LHFPL6: variants seen among roughly 807,000 people sequenced by gnomAD.
LHFPL6 encodes LHFPL tetraspan subfamily member 6 protein.
Under a neutral mutation model 20.6 loss-of-function variants are expected in LHFPL6, and 9 were observed. That is an observed-to-expected ratio of 0.44 (90% CI 0.26 to 0.76). The LOEUF is 0.76. Among genes scored for constraint, LHFPL6 ranks in the 30% least tolerant of loss-of-function variants. The probability of loss-of-function intolerance (pLI) is 0.20; values close to 1 mark genes in which losing one functional copy is unlikely to be tolerated. For missense variants in LHFPL6, 218 were observed against 253.5 expected (o/e 0.86, Z 0.95); for synonymous variants, 105 against 98.7 (o/e 1.06, Z -0.38).
At chr13:39,512,938 T>C (rs749031131) in intron 2 of LHFPL6, among the ~76,000 whole-genome samples, 1 of 152,236 alleles carries the variant, frequency 6.6e-6, no homozygotes, top group Non-Finnish European at 1.5e-5. Context: ...ACTGTCTGCC[T>C]TTCATTCCTC....
chr13:39,572,797 A>G (rs1340960250), intron 2 of LHFPL6, among the ~76,000 whole-genome samples: 1 of 152,184 alleles, frequency 6.6e-6, no homozygotes, highest in Non-Finnish European at 1.5e-5. Flanking sequence ...CTGGTAGAAA[A>G]AGCCATCTTT....
intron 2 of LHFPL6, among the ~76,000 whole-genome samples, chr13:39,497,477 A>C (rs1869140203): frequency 6.6e-6 from 1 of 152,254 alleles, no homozygotes; most frequent in Admixed American, 6.5e-5. Flanking sequence ...CCTCATGCTA[A>C]GAGGCACTTG....
At chr13:39,405,511 C>T (rs1871095431) in intron 2 of LHFPL6, among the ~76,000 whole-genome samples, 1 of 152,220 alleles carries the variant, frequency 6.6e-6, no homozygotes, top group Admixed American at 6.5e-5. Context: ...TATTTACCCT[C>T]TTCCCATTTT....
At chr13:39,527,696 T>A (rs578209112) in intron 2 of LHFPL6, among the ~76,000 whole-genome samples, 2 of 152,252 alleles carry the variant, frequency 1.3e-5, no homozygotes, top group East Asian at 3.9e-4. Context: ...TATATACTCA[T>A]CATTTTTTTG....
intron 2 of LHFPL6, among the ~76,000 whole-genome samples, chr13:39,424,723 G>A (rs1430965834): frequency 6.6e-6 from 1 of 152,074 alleles, no homozygotes; most frequent in African/African-American, 2.4e-5. Context: ...CAGAGATCTG[G>A]AATCTCTGTG....
At chr13:39,489,854 C>T (rs559106981) in intron 2 of LHFPL6, among the ~76,000 whole-genome samples, 10 of 152,282 alleles carry the variant, frequency 6.6e-5, no homozygotes, top group Admixed American at 2.0e-4. Context: ...CATGCCTGGC[C>T]TGGCTTTTTG....
At chr13:39,352,349 C>A (rs375757906) in intron 3 of LHFPL6, among the ~76,000 whole-genome samples, 1 of 152,208 alleles carries the variant, frequency 6.6e-6, no homozygotes, top group African/African-American at 2.4e-5. Context: ...TGCCTATGAA[C>A]CCTCAGAAGT....
At chr13:39,386,627 T>C (rs564705006) in intron 2 of LHFPL6, among the ~76,000 whole-genome samples, 42 of 152,332 alleles carry the variant, frequency 2.8e-4, no homozygotes, top group Non-Finnish European at 4.6e-4. Context: ...ATGTTGTATT[T>C]GACCATCATC....
intron 2 of LHFPL6, among the ~76,000 whole-genome samples, chr13:39,542,411 T>C (rs1258873419): frequency 6.6e-6 from 1 of 152,156 alleles, no homozygotes; most frequent in Admixed American, 6.5e-5. Flanking sequence ...AGCTTCACCA[T>C]TTAGTAATAA....
At position 39,510,341 on chromosome 13, in the gene LHFPL6, C is replaced by A. The variant is rs530139840; in HGVS notation, c.385+90491G>T. ...TGTCCTTAATTATAAAACCTGTTTT[C>A]ACCTGACACTTTTCCAGCAGTGTAA... On this transcript the variant is annotated intron_variant, in intron 2 of 3. Transcript: ENST00000379589. 2.8e-3 allele frequency among the ~76,000 whole-genome samples: 426 copies of A among 152,336 alleles called. 3 individuals carry two copies. The highest frequency in any genetic ancestry group is 9.4e-3 in the African/African-American group (391 of 41,578).
At chr13:39,458,746 G>A (rs1294063910) in intron 2 of LHFPL6, among the ~76,000 whole-genome samples, 1 of 151,218 alleles carries the variant, frequency 6.6e-6, no homozygotes, top group Admixed American at 6.6e-5. Flanking sequence ...GGTACAATGG[G>A]TGGACAGAGA....
At position 39,475,883 on chromosome 13, in the gene LHFPL6, T is replaced by C. The variant is rs77108506; in HGVS notation, c.386-97357A>G. On this transcript the variant is annotated intron_variant, in intron 2 of 3. Coordinates refer to ENST00000379589, the MANE Select transcript of LHFPL6 (RefSeq NM_005780.3). ...AGGCAATGATGTGTAGCACTGTAGCTGGCAGTGAAGGGCGGAGTGTCTCCC... is the reference window on the plus strand; with the variant it reads ...AGGCAATGATGTGTAGCACTGTAGCCGGCAGTGAAGGGCGGAGTGTCTCCC... Among the ~76,000 whole-genome samples, 717 of 152,232 alleles carry C rather than the reference T, an allele frequency of 4.7e-3. 27 individuals are homozygous for C. The East Asian group carries it at 0.097, about 21-fold the overall frequency.
At chr13:39,463,057 A>G (rs1872723986) in intron 2 of LHFPL6, among the ~76,000 whole-genome samples, 2 of 152,132 alleles carry the variant, frequency 1.3e-5, no homozygotes, top group Admixed American at 6.5e-5. Context: ...GTCTTCCTCT[A>G]CCTCACCCAT....
At chr13:39,409,181 C>T (rs139164557) in intron 2 of LHFPL6, among the ~76,000 whole-genome samples, 15 of 152,214 alleles carry the variant, frequency 9.9e-5, no homozygotes, top group Middle Eastern at 3.4e-3. Context: ...CTGCCAGACG[C>T]GGTGGCTCAC....
chr13:39,355,901 C>T (rs1869712937), intron 3 of LHFPL6, among the ~76,000 whole-genome samples: 1 of 152,154 alleles, frequency 6.6e-6, no homozygotes, highest in African/African-American at 2.4e-5. Context: ...CACTTCTAAA[C>T]CCATGAAAAG....
intron 2 of LHFPL6, among the ~76,000 whole-genome samples, chr13:39,581,532 CA>C (rs71080316): frequency 0.02 from 2,121 of 106,378 alleles, 48 homozygotes; most frequent in African/African-American, 0.07. Flanking sequence ...ATGCATGAGA[CA>C]AAAAAAAAAA....
chr13:39,602,764 C>G (rs1026365721), intron 1 of LHFPL6, 119 bp downstream of exon 1: 1 of 152,350 alleles, frequency 6.6e-6, no homozygotes, highest in Non-Finnish European at 1.5e-5. Context: ...CCGACGGATC[C>G]GCCGAGCTCA....
intron 2 of LHFPL6, among the ~76,000 whole-genome samples, chr13:39,492,280 T>C (rs1037453082): frequency 2.0e-5 from 3 of 152,194 alleles, no homozygotes; most frequent in Non-Finnish European, 4.4e-5. Flanking sequence ...AAATAAAAAC[T>C]CTAGAGCATA....
At chr13:39,494,637 G>T (rs9603551) in intron 2 of LHFPL6, among the ~76,000 whole-genome samples, 47,302 of 151,998 alleles carry the variant, frequency 0.31, 7,822 homozygotes, top group Middle Eastern at 0.43. Flanking sequence ...TCCTAATCAT[G>T]TCAAAGTAAA....
Sources: allele counts gnomAD v4.1 joint callset (sites outside exome capture counted in the v4.1 genomes callset), GRCh38; gene constraint gnomAD v4.1.1; transcripts MANE v1.5; gene names NCBI Gene and HGNC (gene_info 2026-07-23, HGNC 2026-07-21).